The following MECOM variants were observed in gnomAD, a reference collection of about 807,000 sequenced individuals.
The protein encoded by MECOM is histone-lysine N-methyltransferase MECOM.
A neutral mutation model predicts 116.3 loss-of-function variants in MECOM; 13 were observed. The ratio of observed to expected loss-of-function variants is 0.11; its 90% CI spans 0.07 to 0.18. The LOEUF (loss-of-function observed/expected upper bound fraction) is 0.18, where lower values mean the gene tolerates loss of function less well. Among genes scored for constraint, MECOM ranks in the 10% least tolerant of loss-of-function variants. MECOM has a pLI of 1.00. For synonymous variants in MECOM, 528 were observed against 535.2 expected (o/e 0.99, Z 0.19); for missense variants, 1,299 against 1,509.0 (o/e 0.86, Z 2.31).
rs562439715 is a variant in MECOM, at chr3:169,436,124, C to T, written c.38-54600G>A. Among the ~76,000 whole-genome samples, 6 of 152,088 alleles carry T rather than the reference C, an allele frequency of 3.9e-5. 1 individual carries two copies. In the South Asian group the frequency reaches 1.2e-3, roughly 32 times the overall value. On this transcript the variant is annotated intron_variant, in intron 1 of 16. Coordinates refer to ENST00000651503, the MANE Select transcript of MECOM (RefSeq NM_004991.4). ...GAATATGGTAAGAAGATCCATATCCCCTTATTTGTATGCACGTCTTTGTTT... is the reference window on the plus strand; with the variant it reads ...GAATATGGTAAGAAGATCCATATCCTCTTATTTGTATGCACGTCTTTGTTT...
At chr3:169,257,644 G>T (rs1452594726) in intron 2 of MECOM, among the ~76,000 whole-genome samples, 4 of 152,160 alleles carry the variant, frequency 2.6e-5, no homozygotes, top group Non-Finnish European at 1.5e-5. Flanking sequence ...TGGCAACTCA[G>T]CCAAGGAGGG....
chr3:169,359,710 T>C (rs913510700), intron 2 of MECOM, among the ~76,000 whole-genome samples: 3 of 151,804 alleles, frequency 2.0e-5, no homozygotes, highest in Non-Finnish European at 4.4e-5. Context: ...GTGAAAATTC[T>C]CTTGTTAAAA....
intron 2 of MECOM, among the ~76,000 whole-genome samples, chr3:169,296,421 G>A (rs565543983): frequency 6.6e-6 from 1 of 152,270 alleles, no homozygotes; most frequent in East Asian, 1.9e-4. Flanking sequence ...TCCCTCAACA[G>A]CTGCAATAAA....
At chr3:169,185,318 T>G (rs1333544135) in intron 2 of MECOM, among the ~76,000 whole-genome samples, 1 of 151,906 alleles carries the variant, frequency 6.6e-6, no homozygotes, top group Non-Finnish European at 1.5e-5. Context: ...CTGAGCAGAA[T>G]AGAAGTGAAT....
intron 2 of MECOM, among the ~76,000 whole-genome samples, chr3:169,234,452 T>C (rs1255262887): frequency 1.4e-5 from 2 of 143,520 alleles, no homozygotes; most frequent in African/African-American, 5.2e-5. Context: ...GGGAGACATA[T>C]AAAAGCAATT....
chr3:169,628,689 C>T (rs1179929115), intron 1 of MECOM, among the ~76,000 whole-genome samples: 3 of 152,150 alleles, frequency 2.0e-5, no homozygotes, highest in Non-Finnish European at 4.4e-5. Context: ...GCTGAAAAGG[C>T]GGTCCAGCAA....
At chr3:169,429,668 G>A (rs1490861754) in intron 1 of MECOM, among the ~76,000 whole-genome samples, 1 of 152,112 alleles carries the variant, frequency 6.6e-6, no homozygotes, top group Non-Finnish European at 1.5e-5. Context: ...CAGGTTTAAT[G>A]GGTTTAACAT....
At chr3:169,216,057 A>G (rs377543676) in intron 2 of MECOM, among the ~76,000 whole-genome samples, 13 of 152,362 alleles carry the variant, frequency 8.5e-5, no homozygotes, top group African/African-American at 2.6e-4. Context: ...AGCATTTGCC[A>G]TGAGTCGTAT....
At chr3:169,481,702 A>G (rs1751314032) in intron 1 of MECOM, among the ~76,000 whole-genome samples, 1 of 151,694 alleles carries the variant, frequency 6.6e-6, no homozygotes, top group Non-Finnish European at 1.5e-5. Context: ...AACACACTTC[A>G]CTAGCTTGTT....
chr3:169,115,575 G>A lies in MECOM; in HGVS notation c.2297C>T (p.Ala766Val). 1 of 1,614,096 alleles carries A rather than the reference G, an allele frequency of 6.2e-7. No individual in the cohort carries two copies. Among genetic ancestry groups the A allele is most frequent in the Non-Finnish European group, 8.5e-7 (1 of 1,180,016 alleles). ...ATCCAGGGGCTGGTCTTGGCTTGTG[G>A]CAGGTGTCACTGGAGGCTTGGAGGG... ...PVPSKPPVTP[A>V]TSQDQPLDLS... Residue 766 changes from alanine (A) to valine (V), a missense_variant, in exon 8 of 17, where the codon GCC (alanine) becomes GTC (valine). Ala to Val is a moderately conservative substitution (Grantham distance 64). Around this residue, in one of 6 missense-constraint regions of MECOM, gnomAD observed 340 missense variants for 312.6 expected, o/e 1.09. Coordinates refer to ENST00000651503, the MANE Select transcript of MECOM (RefSeq NM_004991.4).
chr3:169,307,116 T>C (rs1490986248), intron 2 of MECOM, among the ~76,000 whole-genome samples: 2 of 152,216 alleles, frequency 1.3e-5, no homozygotes, highest in Non-Finnish European at 2.9e-5. Flanking sequence ...CATGGTTCCA[T>C]TGATCAAACA....
intron 2 of MECOM, among the ~76,000 whole-genome samples, chr3:169,211,688 C>T (rs1448482580): frequency 6.6e-6 from 1 of 152,064 alleles, no homozygotes; most frequent in Non-Finnish European, 1.5e-5. Flanking sequence ...AGGCTGTTTT[C>T]CTTTCTCTTT....
chr3:169,185,893 C>A (rs1411988303), intron 2 of MECOM, among the ~76,000 whole-genome samples: 1 of 152,170 alleles, frequency 6.6e-6, no homozygotes, highest in East Asian at 1.9e-4. Flanking sequence ...TATGTCAGTT[C>A]ATGGGCTCTG....
At chr3:169,099,908 AATGTGTCAT>A in intron 12 of MECOM, among the ~76,000 whole-genome samples, 1 of 152,148 alleles carries the variant, frequency 6.6e-6, no homozygotes, top group South Asian at 2.1e-4. Context: ...AGATGTGTCC[AATGTGTCAT>A]ATGACTAATT....
At position 169,131,498 on chromosome 3, in the gene MECOM, C is replaced by T; in HGVS notation, c.544G>A (p.Gly182Arg). 6.2e-7 allele frequency: 1 copy of T among 1,613,790 alleles called. No homozygotes were observed. The highest frequency in any genetic ancestry group is 1.3e-5 in the African/African-American group (1 of 74,976). The change falls in exon 4 of 17, where the codon GGA (glycine) becomes AGA (arginine). Residue 182 changes from glycine to arginine, a missense_variant. Transcript: ENST00000651503. ...FYRVVADIAP[G>R]EELLLFMKSE... The stretch of plus-strand genomic sequence containing the variant: ...TTCATGAACAGCAGAAGCTCCTCTC[C>T]CGGCGCAATGTCTGCAACTACTCTA...
At chr3:169,471,576 C>A (rs1052953990) in intron 1 of MECOM, among the ~76,000 whole-genome samples, 5 of 152,186 alleles carry the variant, frequency 3.3e-5, no homozygotes, top group Non-Finnish European at 7.3e-5. Context: ...AAGTACCATC[C>A]CAGCTGAGCA....
intron 2 of MECOM, among the ~76,000 whole-genome samples, chr3:169,240,274 C>T (rs1189219100): frequency 2.0e-5 from 3 of 152,156 alleles, no homozygotes; most frequent in Admixed American, 1.3e-4. Context: ...GAGTATGAAT[C>T]CCCTGAACTC....
chr3:169,433,432 C>T (rs1483476790), intron 1 of MECOM, among the ~76,000 whole-genome samples: 2 of 151,730 alleles, frequency 1.3e-5, no homozygotes, highest in Non-Finnish European at 2.9e-5. Flanking sequence ...CACGCCATTG[C>T]ACTCCAGCCT....
intron 1 of MECOM, among the ~76,000 whole-genome samples, chr3:169,643,144 G>T (rs1773712383): frequency 6.6e-6 from 1 of 152,190 alleles, no homozygotes; most frequent in South Asian, 2.1e-4. Flanking sequence ...TACAAGGGCA[G>T]AAATGTTTGC....
Sources: gnomAD v4.1 joint callset for allele counts (sites outside exome capture counted in the v4.1 genomes callset) on GRCh38, gnomAD v4.1.1 for gene constraint, gnomAD v4.1.1 regional missense constraint, MANE v1.5 for transcripts, NCBI Gene and HGNC (gene_info 2026-07-23, HGNC 2026-07-21) for gene names.